MAP3K12: variants seen among roughly 807,000 people sequenced by gnomAD.
MAP3K12 encodes MAPK-upstream kinase.
In MAP3K12, 14 loss-of-function variants were observed where a neutral mutation model predicts 87.5. That is an observed-to-expected ratio of 0.16 (90% CI 0.11 to 0.25). The LOEUF (loss-of-function observed/expected upper bound fraction) is 0.25. Ranked by LOEUF, MAP3K12 falls within the 10% of genes least tolerant of loss-of-function variation. The probability of loss-of-function intolerance (pLI) is 1.00; values close to 1 mark genes in which losing one functional copy is unlikely to be tolerated. For missense variants in MAP3K12, 802 were observed against 1,140.4 expected (o/e 0.70, Z 4.27); for synonymous variants, 469 against 452.5 (o/e 1.04, Z -0.46).
upstream of MAP3K12, chr12:53,501,512 G>A (rs76334992): frequency 3.3e-4 from 517 of 1,551,096 alleles, 7 homozygotes; most frequent in East Asian, 0.012. Context: ...GGGGCCGTGC[G>A]GAGGGAGTAG....
At chr12:53,483,243 G>A in intron 10 of MAP3K12, 54 bp from the exon 11 acceptor site, 1 of 1,547,068 alleles carries the variant, frequency 6.5e-7, no homozygotes, top group Non-Finnish European at 8.7e-7. Flanking sequence ...TGTACTCAAA[G>A]CACTCCCTAA....
rs1396050882 is a variant in MAP3K12 at position 53,480,861 on chromosome 12, A to G, written c.*321T>C. ...CCCACCGCCCCTCCCCCCACCCCCT[A>G]TTATTTGGGGATAAAGAATATAAAG... On this transcript the variant is annotated 3_prime_UTR_variant, in exon 14 of 14. Transcript: ENST00000547488. 6.8e-6 allele frequency: 1 copy of G among 147,802 alleles called. No individual in the cohort carries two copies. Among genetic ancestry groups the G allele is most frequent in the Non-Finnish European group, 1.5e-5 (1 of 66,488 alleles). 9.2% of individuals were successfully genotyped at this position (147,802 alleles called of 1,614,324 possible).
At chr12:53,501,483 C>A, upstream of MAP3K12, 1 of 1,559,072 alleles carries the variant, frequency 6.4e-7, no homozygotes, top group Middle Eastern at 1.7e-4. Context: ...CGTACCGATT[C>A]CTTCAGGGCG....
At chr12:53,483,556 C>CT in intron 9 of MAP3K12, 51 bp downstream of exon 9, 1 of 1,613,912 alleles carries the variant, frequency 6.2e-7, no homozygotes, top group Non-Finnish European at 8.5e-7. Flanking sequence ...AGTAGGACCT[C>CT]TAAGGCAGGC....
intron 1 of MAP3K12, among the ~76,000 whole-genome samples, chr12:53,489,689 A>G (rs992661156): frequency 4.6e-5 from 7 of 152,164 alleles, no homozygotes; most frequent in African/African-American, 1.7e-4. Context: ...AGGAATCTCT[A>G]CATCTAGAAG....
Position 53,483,112 on chromosome 12 carries a change from G to A in MAP3K12, c.1691C>T (p.Pro564Leu). The A allele has an allele frequency of 5.9e-6, 9 of 1,522,234 alleles. No homozygotes were observed. Among genetic ancestry groups the A allele is most frequent in the Non-Finnish European group, 7.9e-6 (9 of 1,137,256 alleles). 94.3% of individuals were successfully genotyped at this position (1,522,234 alleles called of 1,614,324 possible). A position where few individuals can be genotyped will look rare whatever the true frequency, so the allele number is the denominator to read the frequency against. ...CCGTCCTGGTGAGGGGGGGCCCTTA[G>A]GACACCCAGGAAGCCCCACCCCACT... is the stretch of plus-strand genomic sequence containing the variant. The part of the protein sequence containing the change: ...ALSGVGLPGC[P>L]KGPPSPGRSR... Residue 564 changes from proline to leucine, a missense_variant, in exon 11 of 14, where the codon CCT becomes CTT. By Grantham distance (98) the Pro-to-Leu change is moderately conservative. This residue lies in a region of MAP3K12 where 490 missense variants were observed against 496.6 expected (regional missense o/e 0.99). Transcript: ENST00000547488.
rs538911963 is a variant in MAP3K12, at chr12:53,485,073, G to A, written c.1122C>T (p.Ile374=). 2 of 1,614,184 alleles carry A rather than the reference G, an allele frequency of 1.2e-6. No individual in the cohort carries two copies. Among genetic ancestry groups the A allele is most frequent in the South Asian group, 1.1e-5 (1 of 91,084 alleles). Reference sequence around the variant, plus strand: ...ATCCTTACCAGCACTGGCGAAGCAGGATCTTGAAACCATCTGGGCAACTGG... The same window carrying A: ...ATCCTTACCAGCACTGGCGAAGCAGAATCTTGAAACCATCTGGGCAACTGG... ...VPSSCPDGFK[I]LLRQCWNSKP... is the part of the protein sequence containing the mutation. The change falls in exon 6 of 14, where the codon ATC becomes ATT. Residue 374 remains isoleucine (I), a synonymous_variant. Transcript: ENST00000547488.
At chr12:53,489,110 C>A (rs931594949) in intron 1 of MAP3K12, among the ~76,000 whole-genome samples, 14 of 149,966 alleles carry the variant, frequency 9.3e-5, no homozygotes, top group African/African-American at 3.5e-4. Flanking sequence ...AAGTTTGAGA[C>A]CAGCCTGGGC....
Position 53,485,802 on chromosome 12 carries a change from C to T in MAP3K12, c.821+254G>A, listed in dbSNP as rs530227147. 1,397 of 522,760 alleles carry T rather than the reference C, an allele frequency of 2.7e-3. 2 individuals are homozygous for T. Among genetic ancestry groups the T allele is most frequent in the Admixed American group, 3.5e-3 (97 of 27,382 alleles). 32.4% of individuals were successfully genotyped at this position (522,760 alleles called of 1,614,324 possible). The stretch of plus-strand genomic sequence containing the variant: ...CGATCTCTTGACCTTGTGATCCACC[C>T]GCCTCGGCCTCCCAAAGTGTTGGGA... On this transcript the variant is annotated intron_variant, in intron 4 of 13. Coordinates refer to ENST00000547488, the MANE Select transcript of MAP3K12 (RefSeq NM_001193511.2).
rs369675508 is a variant in MAP3K12, at chr12:53,480,934, T to TG, written c.*247dup. 113 of 157,464 alleles carry TG rather than the reference T, an allele frequency of 7.2e-4. 1 individual carries two copies. The highest frequency in any genetic ancestry group is 2.6e-3 in the African/African-American group (105 of 41,008). 9.8% of individuals were successfully genotyped at this position (157,464 alleles called of 1,614,324 possible). On this transcript the variant is annotated 3_prime_UTR_variant, in exon 14 of 14. Coordinates refer to ENST00000547488, the MANE Select transcript of MAP3K12 (RefSeq NM_001193511.2). ...CTTGTTGCTTGCTGAATATAAGGAATGGGGTGGGGCAGGAAGGGGCTTGCC... is the reference window on the plus strand; with the variant it reads ...CTTGTTGCTTGCTGAATATAAGGAATGGGGGTGGGGCAGGAAGGGGCTTGCC...
At position 53,482,803 on chromosome 12, in the gene MAP3K12, G is replaced by A; in HGVS notation, c.2000C>T (p.Ser667Leu). ...GATGGAGDPG[S>L]PPPARGDTPP... is the part of the protein sequence containing the mutation. ...GGTGTCACCCCGGGCCGGAGGTGGT[G>A]AGCCAGGATCCCCAGCTCCGCCTGT... Residue 667 changes from serine (S) to leucine (L), a missense_variant, in exon 11 of 14, where the codon TCA (serine) becomes TTA (leucine). Physicochemically the swap from Ser to Leu is moderately radical, Grantham distance 145. Around this residue, in one of 5 missense-constraint regions of MAP3K12, gnomAD observed 490 missense variants for 496.6 expected, o/e 0.99. Transcript: ENST00000547488. The A allele has an allele frequency of 6.2e-7, 1 of 1,611,636 alleles. No homozygotes were observed. Among genetic ancestry groups the A allele is most frequent in the Admixed American group, 1.7e-5 (1 of 59,882 alleles).
chr12:53,484,870 A>G (rs1343892040), intron 6 of MAP3K12, 186 bp downstream of exon 6: 2 of 673,870 alleles, frequency 3.0e-6, no homozygotes, highest in Non-Finnish European at 5.0e-6. Context: ...AGATGAGGAA[A>G]CAGGTTCAGA....
Sources: gnomAD v4.1 joint callset for allele counts (sites outside exome capture counted in the v4.1 genomes callset) on GRCh38, gnomAD v4.1.1 for gene constraint, gnomAD v4.1.1 regional missense constraint, MANE v1.5 for transcripts, NCBI Gene and HGNC (gene_info 2026-07-23, HGNC 2026-07-21) for gene names.